The following CHD1L variants were observed in gnomAD, a reference collection of about 807,000 sequenced individuals.
The protein encoded by CHD1L is ATP-dependent chromatin remodeler CHD1L.
Under a neutral mutation model 115.9 loss-of-function variants are expected in CHD1L, and 118 were observed. The observed-to-expected ratio is 1.02, with a 90% CI of 0.88 to 1.19. The LOEUF (loss-of-function observed/expected upper bound fraction) is 1.19. CHD1L is among the 50% of genes most tolerant of loss of function. The pLI, the probability that CHD1L is intolerant of heterozygous loss-of-function variation, is 0.00. For synonymous variants in CHD1L, 411 were observed against 387.1 expected (o/e 1.06, Z -0.72); for missense variants, 1,179 against 1,065.3 (o/e 1.11, Z -1.49).
At chr1:147,265,171 G>T (rs1185300497) in intron 7 of CHD1L, among the ~76,000 whole-genome samples, 1 of 152,136 alleles carries the variant, frequency 6.6e-6, no homozygotes, top group Non-Finnish European at 1.5e-5. Context: ...TAGTGAGTTT[G>T]TATGTGTTGG....
intron 1 of CHD1L, 147 bp from the exon 2 acceptor site, chr1:147,252,476 A>G: frequency 3.4e-6 from 2 of 583,002 alleles, no homozygotes; most frequent in Non-Finnish European, 6.0e-6. Context: ...ATGTTTAGAT[A>G]TCCATAACTC....
upstream of CHD1L, among the ~76,000 whole-genome samples, chr1:147,242,326 C>CCG (rs1553931312): frequency 3.3e-5 from 5 of 152,190 alleles, no homozygotes; most frequent in African/African-American, 7.2e-5. Flanking sequence ...AGTCTTACTT[C>CCG]TAGAACCCCC....
the CHD1L span, chr1:147,215,834 A>G: frequency 1.9e-6 from 3 of 1,613,482 alleles, no homozygotes; most frequent in Admixed American, 3.3e-5. Flanking sequence ...TTATGCATGA[A>G]GTTGGGATAA....
intron 1 of CHD1L, among the ~76,000 whole-genome samples, chr1:147,252,372 T>C (rs1388759042): frequency 6.6e-6 from 1 of 152,206 alleles, no homozygotes; most frequent in Non-Finnish European, 1.5e-5. Flanking sequence ...CTTTCTCATT[T>C]ATCAAGTGAA....
chr1:147,193,836 C>CATGTAGTTGAGTGGTTT, the CHD1L span, among the ~76,000 whole-genome samples: 4 of 152,068 alleles, frequency 2.6e-5, no homozygotes, highest in Non-Finnish European at 5.9e-5. Context: ...TTTTTTAGTC[C>CATGTAGTTGAGTGGTTT]TGAGTTCTAG....
intron 19 of CHD1L, among the ~76,000 whole-genome samples, chr1:147,289,307 C>G (rs968421171): frequency 6.6e-6 from 1 of 151,928 alleles, no homozygotes; most frequent in Non-Finnish European, 1.5e-5. Flanking sequence ...GGACTTGAGG[C>G]AAGAAGATGG....
At chr1:147,225,078 A>G in the CHD1L span, 2 of 1,612,576 alleles carry the variant, frequency 1.2e-6, no homozygotes, top group Non-Finnish European at 1.7e-6. Context: ...TAAAGAAAGG[A>G]TGACAAAAGA....
intron 15 of CHD1L, among the ~76,000 whole-genome samples, chr1:147,282,695 A>T (rs587622478): frequency 1.3e-4 from 20 of 152,238 alleles, no homozygotes; most frequent in Admixed American, 1.3e-3. Flanking sequence ...TTAAGTAGCA[A>T]CACACTCAGT....
intron 1 of CHD1L, among the ~76,000 whole-genome samples, chr1:147,246,655 A>C (rs781974950): frequency 7.2e-5 from 11 of 152,322 alleles, no homozygotes; most frequent in Middle Eastern, 3.4e-3. Flanking sequence ...CTATTGGCTA[A>C]TGAAATATGT....
chr1:147,199,273 T>C, the CHD1L span, among the ~76,000 whole-genome samples: 1 of 152,072 alleles, frequency 6.6e-6, no homozygotes, highest in African/African-American at 2.4e-5. Flanking sequence ...GGTTTAAAAT[T>C]GGCATAGTGA....
At chr1:147,288,460 G>T (rs587615711) in intron 19 of CHD1L, among the ~76,000 whole-genome samples, 1 of 151,906 alleles carries the variant, frequency 6.6e-6, no homozygotes, top group Non-Finnish European at 1.5e-5. Flanking sequence ...TTGGAAGGCC[G>T]AGACGAGGCA....
the CHD1L span, chr1:147,225,328 T>C: frequency 7.4e-6 from 3 of 404,572 alleles, no homozygotes; most frequent in Admixed American, 3.9e-5. Context: ...AGCTGCGATC[T>C]GGAGGAGACT....
At chr1:147,240,758 C>A (rs1480260606), upstream of CHD1L, among the ~76,000 whole-genome samples, 1 of 152,144 alleles carries the variant, frequency 6.6e-6, no homozygotes, top group Non-Finnish European at 1.5e-5. Flanking sequence ...ATCAAAAGCA[C>A]AGGACTTTTT....
the CHD1L span, among the ~76,000 whole-genome samples, chr1:147,232,579 G>A: frequency 5.3e-5 from 8 of 152,054 alleles, no homozygotes; most frequent in East Asian, 7.8e-4. Context: ...CTGCCATCTT[G>A]GCTCACTGCA....
At chr1:147,246,636 T>C (rs1553933963) in intron 1 of CHD1L, among the ~76,000 whole-genome samples, 1 of 152,232 alleles carries the variant, frequency 6.6e-6, no homozygotes, top group Non-Finnish European at 1.5e-5. Context: ...GGCTTAGATA[T>C]GAATTTCCCT....
the CHD1L span, chr1:147,179,143 C>T: frequency 4.3e-6 from 7 of 1,613,792 alleles, no homozygotes; most frequent in South Asian, 6.6e-5. Context: ...GGATTTCTCG[C>T]GTGATGGGAA....
the CHD1L span, among the ~76,000 whole-genome samples, chr1:147,207,304 A>G: frequency 2.0e-5 from 3 of 152,324 alleles, no homozygotes; most frequent in Admixed American, 2.0e-4. Flanking sequence ...AAATATAGCA[A>G]ACTTAACAGG....
At chr1:147,203,508 A>G in the CHD1L span, 1 of 866,792 alleles carries the variant, frequency 1.2e-6, no homozygotes, top group South Asian at 1.3e-5. Flanking sequence ...TTCCTTCTTG[A>G]GGTACTGCAT....
chr1:147,265,117 T>C (rs1378794624), intron 7 of CHD1L, among the ~76,000 whole-genome samples: 3 of 151,084 alleles, frequency 2.0e-5, no homozygotes, highest in African/African-American at 7.3e-5. Context: ...CCCTGTGATA[T>C]TATCCTGGGA....
Sources: gnomAD v4.1 joint callset for allele counts (sites outside exome capture counted in the v4.1 genomes callset) on GRCh38, gnomAD v4.1.1 for gene constraint, MANE v1.5 for transcripts, NCBI Gene and HGNC (gene_info 2026-07-23, HGNC 2026-07-21) for gene names.